TMEM61: variants seen among roughly 807,000 people sequenced by gnomAD.
TMEM61 encodes the protein transmembrane protein 61.
In TMEM61, 13 loss-of-function variants were observed where a neutral mutation model predicts 12.0. The ratio of observed to expected loss-of-function variants is 1.08; its 90% confidence interval spans 0.70 to 1.72. TMEM61 has a LOEUF of 1.72. TMEM61 is among the 40% of genes most tolerant of loss of function. The pLI, the probability that TMEM61 is intolerant of heterozygous loss-of-function variation, is 0.00. For missense variants in TMEM61, 249 were observed against 276.9 expected, an observed-to-expected ratio of 0.90 and a Z score of 0.71; for synonymous variants, 109 against 121.4, an observed-to-expected ratio of 0.90 and a Z score of 0.67.
At chr1:54,984,421 A>G (rs764997314) in intron 1 of TMEM61, among the ~76,000 whole-genome samples, 1 of 152,158 alleles carries the variant, frequency 6.6e-6, no homozygotes, top group Non-Finnish European at 1.5e-5. Context: ...GGCTTATCCC[A>G]TGATACAGCT....
intron 2 of TMEM61, among the ~76,000 whole-genome samples, chr1:54,989,634 C>A (rs1160487052): frequency 6.6e-6 from 1 of 152,240 alleles, no homozygotes; most frequent in Non-Finnish European, 1.5e-5. Flanking sequence ...TTCCTGGCAT[C>A]CTCGACTGTG....
intron 2 of TMEM61, 28 bp from the exon 3 acceptor site, chr1:54,991,808 G>A (rs1430936670): frequency 6.2e-7 from 1 of 1,608,110 alleles, no homozygotes; most frequent in African/African-American, 1.3e-5. Context: ...CCCAGCCCCT[G>A]CTAACAGCCT....
At chr1:54,987,893 T>G (rs535874943) in intron 2 of TMEM61, among the ~76,000 whole-genome samples, 1 of 152,196 alleles carries the variant, frequency 6.6e-6, no homozygotes, top group Non-Finnish European at 1.5e-5. Flanking sequence ...GAAAATGTTT[T>G]CCGAGTCGAA....
chr1:54,985,950 C>T (rs1475571862), intron 1 of TMEM61, 147 bp from the exon 2 acceptor site: 7 of 661,482 alleles, frequency 1.1e-5, no homozygotes, highest in Admixed American at 6.6e-5. Context: ...GCATCATCTC[C>T]ACTTCACAGA....
chr1:54,991,753 C>A, intron 2 of TMEM61, 83 bp from the exon 3 acceptor site: 2 of 1,490,888 alleles, frequency 1.3e-6, no homozygotes, highest in East Asian at 2.3e-5. Flanking sequence ...GACTTCTCTG[C>A]CCCCAGCCTT....
chr1:54,988,410 G>A (rs1016989141), intron 2 of TMEM61, among the ~76,000 whole-genome samples: 3 of 152,244 alleles, frequency 2.0e-5, no homozygotes, highest in African/African-American at 2.4e-5. Flanking sequence ...GTAGCCCATC[G>A]AGCTCCAAGA....
chr1:54,983,443 C>A (rs760767179), intron 1 of TMEM61, among the ~76,000 whole-genome samples: 32 of 152,104 alleles, frequency 2.1e-4, no homozygotes, highest in Admixed American at 2.0e-4. Flanking sequence ...AATTTTTATT[C>A]TCTTCTGTGG....
At chr1:54,985,595 C>A (rs1235286757) in intron 1 of TMEM61, among the ~76,000 whole-genome samples, 1 of 152,204 alleles carries the variant, frequency 6.6e-6, no homozygotes, top group African/African-American at 2.4e-5. Flanking sequence ...GCCTCAGACT[C>A]TTCAATATCC....
At chr1:54,982,791 T>C (rs1263216044) in intron 1 of TMEM61, among the ~76,000 whole-genome samples, 6 of 152,216 alleles carry the variant, frequency 3.9e-5, no homozygotes, top group Admixed American at 3.9e-4. Context: ...AGACTAGACC[T>C]GGGTCCAAAT....
chr1:54,983,644 A>C (rs1015980), intron 1 of TMEM61, among the ~76,000 whole-genome samples: 110,303 of 152,020 alleles, frequency 0.73, 40,899 homozygotes, highest in Non-Finnish European at 0.8. Context: ...GACTTTTCAT[A>C]TGGCCTGCCC....
At chr1:54,990,320 C>G (rs1398812088) in intron 2 of TMEM61, among the ~76,000 whole-genome samples, 1 of 152,110 alleles carries the variant, frequency 6.6e-6, no homozygotes, top group Non-Finnish European at 1.5e-5. Flanking sequence ...ATCCAGGATC[C>G]CATCAATCTG....
intron 1 of TMEM61, among the ~76,000 whole-genome samples, chr1:54,983,591 G>T (rs1175332602): frequency 2.0e-5 from 3 of 152,100 alleles, no homozygotes; most frequent in Non-Finnish European, 4.4e-5. Flanking sequence ...TTTGGACCAG[G>T]TCCTTCACCT....
chr1:54,984,161 C>T (rs1464450861), intron 1 of TMEM61, among the ~76,000 whole-genome samples: 3 of 152,220 alleles, frequency 2.0e-5, no homozygotes, highest in African/African-American at 7.2e-5. Flanking sequence ...CCCTTCAGCT[C>T]CCATGGGATC....
chr1:54,988,979 C>A (rs748043536), intron 2 of TMEM61, among the ~76,000 whole-genome samples: 2 of 152,186 alleles, frequency 1.3e-5, no homozygotes, highest in Non-Finnish European at 2.9e-5. Context: ...GGGTGAAGAC[C>A]TTTTCCCTAT....
In TMEM61 at chr1:54,991,977, G is replaced by C; in HGVS notation, c.507G>C (p.Gln169His). 1 of 1,614,150 alleles carries C rather than the reference G, an allele frequency of 6.2e-7. No homozygotes were observed. Among genetic ancestry groups the C allele is most frequent in the Middle Eastern group, 1.6e-4 (1 of 6,062 alleles). ...SGSRDALLST[Q>H]PAWPPPSYES... ...CGAGGGATGCCCTGCTCAGCACCCA[G>C]CCCGCCTGGCCTCCACCCAGCTATG... The change falls in exon 3 of 3, where the codon CAG becomes CAC. Residue 169 changes from glutamine (Q) to histidine (H), a missense_variant. Gln to His is a conservative substitution (Grantham distance 24). Transcript: ENST00000371268.
intron 1 of TMEM61, among the ~76,000 whole-genome samples, chr1:54,983,874 G>A (rs939247071): frequency 6.6e-6 from 1 of 152,080 alleles, no homozygotes; most frequent in Non-Finnish European, 1.5e-5. Flanking sequence ...ACATGAAAAG[G>A]CTTTGAGCTG....
chr1:54,985,470 C>T (rs1644251458), intron 1 of TMEM61, among the ~76,000 whole-genome samples: 1 of 152,210 alleles, frequency 6.6e-6, no homozygotes, highest in African/African-American at 2.4e-5. Context: ...CTCCTGACCT[C>T]AGGTGATCTG....
In TMEM61 at chr1:54,992,176, A is replaced by G; in HGVS notation, c.*73A>G. The G allele has an allele frequency of 6.5e-7, 1 of 1,529,282 alleles. No homozygotes were observed. The highest frequency in any genetic ancestry group is 1.2e-5 in the South Asian group (1 of 82,140). 94.7% of individuals were successfully genotyped at this position (1,529,282 alleles called of 1,614,324 possible). On this transcript the variant is annotated 3_prime_UTR_variant, in exon 3 of 3. Transcript: ENST00000371268. Reference sequence around the variant, plus strand: ...TCCAGAGTCTTATGCAGTGCCTGGGACACAGTAGGCACTCAGCAAACGTTC... The same window carrying G: ...TCCAGAGTCTTATGCAGTGCCTGGGGCACAGTAGGCACTCAGCAAACGTTC...
intron 2 of TMEM61, among the ~76,000 whole-genome samples, chr1:54,987,006 C>G (rs751975703): frequency 2.0e-5 from 3 of 152,224 alleles, no homozygotes; most frequent in Admixed American, 1.3e-4. Flanking sequence ...ATCCTTACAG[C>G]AGCCCTCTGA....
Sources: gnomAD v4.1 joint callset for allele counts (sites outside exome capture counted in the v4.1 genomes callset) on GRCh38, gnomAD v4.1.1 for gene constraint, MANE v1.5 for transcripts, NCBI Gene and HGNC (gene_info 2026-07-23, HGNC 2026-07-21) for gene names.